Variants in SNX13 observed in about 807,000 individuals in gnomAD.
SNX13 encodes the protein sorting nexin-13.
In SNX13, 45 loss-of-function variants were observed where a neutral mutation model predicts 133.6. That is an observed-to-expected ratio of 0.34 (90% confidence interval 0.27 to 0.43). The LOEUF is 0.43. SNX13 is among the 20% of genes least tolerant of loss of function. The pLI is 1.00. For missense variants in SNX13, 1,032 were observed against 1,145.1 expected (o/e 0.90, Z 1.43); for synonymous variants, 414 against 373.9 (o/e 1.11, Z -1.24).
chr7:17,863,119 G>A (rs969840107), intron 9 of SNX13, among the ~76,000 whole-genome samples: 5 of 152,114 alleles, frequency 3.3e-5, no homozygotes, highest in African/African-American at 4.8e-5. Context: ...AGCACCCAGG[G>A]AAGGAGCATT....
chr7:17,835,005 T>C, intron 13 of SNX13, 140 bp from the exon 14 acceptor site: 1 of 547,996 alleles, frequency 1.8e-6, no homozygotes. Flanking sequence ...CACCTTGATG[T>C]TTAAGAAGGA....
intron 8 of SNX13, among the ~76,000 whole-genome samples, chr7:17,869,345 T>A (rs1046628265): frequency 7.9e-5 from 12 of 152,136 alleles, no homozygotes; most frequent in African/African-American, 2.9e-4. Flanking sequence ...CTTCTCAAGG[T>A]CATTGTTTTA....
chr7:17,814,708 C>T (rs997232078), intron 20 of SNX13, 126 bp downstream of exon 20: 10 of 723,126 alleles, frequency 1.4e-5, no homozygotes, highest in East Asian at 1.0e-4. Context: ...ATAAACATGC[C>T]GAGAACTTAA....
Position 17,850,394 on chromosome 7 carries a change from C to T in SNX13, c.1018G>A (p.Val340Ile). The change falls in exon 11 of 26, where the codon GTA becomes ATA. Residue 340 changes from valine (V) to isoleucine (I), a missense_variant. Coordinates refer to ENST00000428135, the MANE Select transcript of SNX13 (RefSeq NM_015132.5). ...IKNQINSLLFVKKVCDSRIQR... is the reference protein window; with the variant it reads ...IKNQINSLLFIKKVCDSRIQR... The stretch of plus-strand genomic sequence containing the variant: ...ATTCTTGAGTCACATACCTTCTTTA[C>T]GAATAGTAAGCTATTTATTTGATTT... The T allele has an allele frequency of 1.9e-6, 3 of 1,593,200 alleles. No individual in the cohort carries two copies. The highest frequency in any genetic ancestry group is 2.6e-6 in the Non-Finnish European group (3 of 1,170,834).
Position 17,794,180 on chromosome 7 carries a change from T to A in SNX13, c.2739A>T (p.Glu913Asp). The change falls in exon 26 of 26, where the codon GAA (glutamate) becomes GAT (aspartate). Residue 913 changes from glutamate (E) to aspartate (D), a missense_variant. Physicochemically the swap from Glu to Asp is conservative, Grantham distance 45. Transcript: ENST00000428135. ...GTGGAAATAAGGTTTCTAAAAAGCC[T>A]TCCAAGAAGACATAAACCATTCTCC... Reference protein sequence around the residue: ...LNRRMVYVFLEGFLETLFPQY... With the variant: ...LNRRMVYVFLDGFLETLFPQY... 6.2e-7 allele frequency: 1 copy of A among 1,611,658 alleles called. No homozygotes were observed.
At chr7:17,929,274 G>A (rs1407806750) in intron 1 of SNX13, among the ~76,000 whole-genome samples, 1 of 152,060 alleles carries the variant, frequency 6.6e-6, no homozygotes, top group Non-Finnish European at 1.5e-5. Flanking sequence ...GACCTTAATG[G>A]CATAATCTCC....
chr7:17,846,963 A>C (rs922050263), intron 11 of SNX13, among the ~76,000 whole-genome samples: 4 of 152,140 alleles, frequency 2.6e-5, no homozygotes, highest in African/African-American at 7.2e-5. Flanking sequence ...ACAAAGGAAA[A>C]CACTGTATGA....
intron 1 of SNX13, among the ~76,000 whole-genome samples, chr7:17,923,273 C>T (rs1800331894): frequency 6.6e-6 from 1 of 152,150 alleles, no homozygotes; most frequent in African/African-American, 2.4e-5. Flanking sequence ...ACTTACTATA[C>T]ACAGGATCTT....
chr7:17,801,449 T>G, intron 22 of SNX13, 139 bp downstream of exon 22: 1 of 648,784 alleles, frequency 1.5e-6, no homozygotes, highest in Non-Finnish European at 2.6e-6. Flanking sequence ...CATGGGCATG[T>G]TCAGTTTGTA....
At chr7:17,912,022 G>A (rs996766767) in intron 1 of SNX13, among the ~76,000 whole-genome samples, 5 of 152,124 alleles carry the variant, frequency 3.3e-5, no homozygotes, top group African/African-American at 1.2e-4. Flanking sequence ...CCAAGATTGT[G>A]GATTAGAGGT....
At chr7:17,902,882 A>G (rs1412871683) in intron 1 of SNX13, among the ~76,000 whole-genome samples, 2 of 152,106 alleles carry the variant, frequency 1.3e-5, no homozygotes, top group Non-Finnish European at 1.5e-5. Context: ...CGTGAAACCT[A>G]TTGTGAACTG....
chr7:17,801,007 A>ATC (rs1784548711), intron 22 of SNX13, among the ~76,000 whole-genome samples: 2 of 48,234 alleles, frequency 4.1e-5, no homozygotes, highest in East Asian at 1.2e-3. Flanking sequence ...ACTAAAACTG[A>ATC]ACATATATAT....
intron 20 of SNX13, among the ~76,000 whole-genome samples, chr7:17,807,083 G>T (rs1000307471): frequency 7.2e-5 from 11 of 152,114 alleles, no homozygotes; most frequent in African/African-American, 2.7e-4. Flanking sequence ...CCCCAGAGGT[G>T]CCTGGAATGC....
At chr7:17,859,064 A>T (rs980569254) in intron 9 of SNX13, among the ~76,000 whole-genome samples, 1 of 152,140 alleles carries the variant, frequency 6.6e-6, no homozygotes, top group African/African-American at 2.4e-5. Context: ...AAGACCAAAA[A>T]AATACTAGCT....
rs532152201 is a variant in SNX13 at position 17,871,888 on chromosome 7, C to A, written c.753+1640G>T. 2.0e-5 allele frequency among the ~76,000 whole-genome samples: 3 copies of A among 152,080 alleles called. No individual in the cohort carries two copies. In the South Asian group the frequency reaches 6.2e-4, roughly 31 times the overall value. The stretch of plus-strand genomic sequence containing the variant: ...GAGGTAAATAAGGCCACACTACATG[C>A]GAACCTATAAGCCTCTTGAAGGACT... On this transcript the variant is annotated intron_variant, in intron 8 of 25. Transcript: ENST00000428135.
At chr7:17,938,039 G>T (rs946952744) in intron 1 of SNX13, among the ~76,000 whole-genome samples, 2 of 152,086 alleles carry the variant, frequency 1.3e-5, no homozygotes, top group Non-Finnish European at 2.9e-5. Context: ...ATGTCTAGCA[G>T]AAGCAATAAA....
chr7:17,820,186 T>C (rs1787128907), intron 18 of SNX13, among the ~76,000 whole-genome samples: 2 of 152,136 alleles, frequency 1.3e-5, no homozygotes, highest in African/African-American at 4.8e-5. Flanking sequence ...ATTACAACTA[T>C]TTACACAATA....
intron 1 of SNX13, among the ~76,000 whole-genome samples, chr7:17,901,304 T>A (rs937997870): frequency 9.9e-5 from 15 of 152,132 alleles, no homozygotes; most frequent in African/African-American, 3.6e-4. Flanking sequence ...GTGGTGCAAG[T>A]GCTCTCTTCG....
In SNX13 at chr7:17,798,718, G is replaced by C. The variant is rs1299246304; in HGVS notation, c.2485C>G (p.Gln829Glu). The C allele has an allele frequency of 6.4e-7, 1 of 1,574,448 alleles. No individual in the cohort carries two copies. The highest frequency in any genetic ancestry group is 1.9e-5 in the Admixed American group (1 of 51,634). The part of the protein sequence containing the change: ...DHVDWMTSPE[Q>E]VADSVKRFRD... ...AAACGTTTCACTGAGTCGGCTACTT[G>C]TTCAGGTGAAGTCATCCAGTCAACA... Residue 829 changes from glutamine to glutamate, a missense_variant, in exon 24 of 26, where the codon CAA (glutamine) becomes GAA (glutamate). Coordinates refer to ENST00000428135, the MANE Select transcript of SNX13 (RefSeq NM_015132.5).
Sources: gnomAD v4.1 joint callset for allele counts (sites outside exome capture counted in the v4.1 genomes callset) on GRCh38, gnomAD v4.1.1 for gene constraint, MANE v1.5 for transcripts, NCBI Gene and HGNC (gene_info 2026-07-23, HGNC 2026-07-21) for gene names.